LARGE1: variants seen among roughly 807,000 people sequenced by gnomAD.
The protein encoded by LARGE1 is LARGE xylosyl- and glucuronyltransferase 1.
LARGE1 carries 43 observed loss-of-function variants against 87.6 expected under a neutral mutation model. The observed-to-expected ratio is 0.49, with a 90% CI of 0.38 to 0.63. The LOEUF (loss-of-function observed/expected upper bound fraction) is 0.63. LARGE1 is among the 30% of genes least tolerant of loss of function. The pLI is 0.00. For synonymous variants in LARGE1, 434 were observed against 394.6 expected (o/e 1.10, Z -1.18); for missense variants, 802 against 1,000.2 (o/e 0.80, Z 2.67).
the LARGE1 span, among the ~76,000 whole-genome samples, chr22:33,124,360 G>GGAAGGAAGGAAGGAAGGAAA: frequency 4.4e-5 from 4 of 90,948 alleles, no homozygotes; most frequent in South Asian, 6.5e-4. Context: ...AAGGAAAGAA[G>GGAAGGAAGGAAGGAAGGAAA]GAAGGAAGGA....
At chr22:33,362,720 A>G (rs2064432313) in intron 9 of LARGE1, among the ~76,000 whole-genome samples, 1 of 150,222 alleles carries the variant, frequency 6.7e-6, no homozygotes, top group Non-Finnish European at 1.5e-5. Context: ...AACTACAAAG[A>G]ATTGCTGTTT....
At chr22:33,370,274 C>T (rs1377131371) in intron 9 of LARGE1, among the ~76,000 whole-genome samples, 3 of 152,162 alleles carry the variant, frequency 2.0e-5, no homozygotes, top group Non-Finnish European at 4.4e-5. Context: ...TAAGATGCTT[C>T]CCCATAACCA....
intron 2 of LARGE1, among the ~76,000 whole-genome samples, chr22:33,676,946 C>G (rs565008602): frequency 3.3e-5 from 5 of 152,124 alleles, no homozygotes; most frequent in Admixed American, 2.6e-4. Flanking sequence ...TTCAATATCA[C>G]AAAAGAAGGA....
chr22:33,498,275 T>C (rs2070247500), intron 6 of LARGE1, among the ~76,000 whole-genome samples: 1 of 152,040 alleles, frequency 6.6e-6, no homozygotes, highest in African/African-American at 2.4e-5. Flanking sequence ...AGGGTTCAGA[T>C]TTAACTTTTT....
At chr22:33,842,822 T>A (rs1338121350) in intron 1 of LARGE1, among the ~76,000 whole-genome samples, 3 of 152,198 alleles carry the variant, frequency 2.0e-5, no homozygotes, top group Non-Finnish European at 4.4e-5. Flanking sequence ...TGGCTACTGA[T>A]CTAGAGGGCA....
At chr22:33,369,934 T>C (rs1442343478) in intron 9 of LARGE1, among the ~76,000 whole-genome samples, 1 of 137,058 alleles carries the variant, frequency 7.3e-6, no homozygotes, top group African/African-American at 3.4e-5. Flanking sequence ...CTAGCCAAGA[T>C]TAAAAAAAAA....
intron 10 of LARGE1, among the ~76,000 whole-genome samples, chr22:33,333,052 G>A (rs1202956448): frequency 2.1e-5 from 3 of 142,138 alleles, no homozygotes; most frequent in Non-Finnish European, 3.0e-5. Flanking sequence ...TGTCACCCAG[G>A]CTGGAGTGCA....
At chr22:33,917,615 G>C (rs1198454188) in intron 1 of LARGE1, among the ~76,000 whole-genome samples, 3 of 152,204 alleles carry the variant, frequency 2.0e-5, no homozygotes, top group Admixed American at 2.0e-4. Flanking sequence ...ATTACAAACT[G>C]TTAGGGAACT....
chr22:33,209,748 T>C (rs1220283005), intron 11 of LARGE1, among the ~76,000 whole-genome samples: 1 of 152,122 alleles, frequency 6.6e-6, no homozygotes, highest in Non-Finnish European at 1.5e-5. Context: ...TGGGCTCAAG[T>C]GATCCTCCCA....
chr22:33,852,231 G>A (rs1215865151), intron 1 of LARGE1, among the ~76,000 whole-genome samples: 1 of 152,128 alleles, frequency 6.6e-6, no homozygotes, highest in African/African-American at 2.4e-5. Flanking sequence ...GCTGATGTGA[G>A]CCAACGTTGA....
At chr22:33,084,940 A>C in the LARGE1 span, among the ~76,000 whole-genome samples, 1 of 152,204 alleles carries the variant, frequency 6.6e-6, no homozygotes, top group African/African-American at 2.4e-5. Context: ...TTCATCAAAA[A>C]TATTTTATCT....
intron 3 of LARGE1, among the ~76,000 whole-genome samples, chr22:33,627,938 T>C (rs370192706): frequency 3.9e-5 from 6 of 152,126 alleles, no homozygotes; most frequent in African/African-American, 1.4e-4. Flanking sequence ...CCCTTTGCCG[T>C]TGACTGTTAG....
intron 11 of LARGE1, among the ~76,000 whole-genome samples, chr22:33,311,205 C>T (rs1935553558): frequency 6.6e-6 from 1 of 152,158 alleles, no homozygotes; most frequent in African/African-American, 2.4e-5. Flanking sequence ...TGTGATCTGC[C>T]TGCCTCAGCC....
At chr22:33,820,112 G>A (rs901782152) in intron 1 of LARGE1, among the ~76,000 whole-genome samples, 1 of 152,010 alleles carries the variant, frequency 6.6e-6, no homozygotes, top group African/African-American at 2.4e-5. Context: ...TAAACATCCC[G>A]GGTCATTATG....
chr22:33,914,128 T>G (rs1270540227), intron 1 of LARGE1, among the ~76,000 whole-genome samples: 1 of 152,212 alleles, frequency 6.6e-6, no homozygotes, highest in East Asian at 1.9e-4. Flanking sequence ...CTATTTACAC[T>G]GCACTTACTT....
chr22:33,171,656 G>A (rs116445506), intron 11 of LARGE1, among the ~76,000 whole-genome samples: 280 of 152,348 alleles, frequency 1.8e-3, no homozygotes, highest in African/African-American at 6.5e-3. Context: ...CAGCTTCCAC[G>A]TGGTGATAGG....
chr22:33,170,428 T>C (rs746365933), intron 11 of LARGE1, among the ~76,000 whole-genome samples: 1 of 152,148 alleles, frequency 6.6e-6, no homozygotes, highest in Non-Finnish European at 1.5e-5. Flanking sequence ...TAGCTTGATA[T>C]GGTTTGGCTT....
chr22:33,314,228 C>G (rs1041875), intron 11 of LARGE1, among the ~76,000 whole-genome samples: 71,968 of 151,984 alleles, frequency 0.47, 19,262 homozygotes, highest in African/African-American at 0.75. Flanking sequence ...GCTAGGATCC[C>G]CAAGTTCTCT....
intron 9 of LARGE1, among the ~76,000 whole-genome samples, chr22:33,362,328 A>ACC (rs1240216127): frequency 1.3e-5 from 2 of 149,668 alleles, no homozygotes; most frequent in African/African-American, 4.9e-5. Flanking sequence ...TTTCTCAATA[A>ACC]TGTAACTGAA....
Sources: allele counts gnomAD v4.1 joint callset (sites outside exome capture counted in the v4.1 genomes callset), GRCh38; gene constraint gnomAD v4.1.1; transcripts MANE v1.5; gene names NCBI Gene and HGNC (gene_info 2026-07-23, HGNC 2026-07-21).